The following ABL2 variants were observed in gnomAD, a reference collection of about 807,000 sequenced individuals.
ABL2 encodes ABL proto-oncogene 2, non-receptor tyrosine kinase, also known as tyrosine-protein kinase ABL2.
In ABL2, 49 loss-of-function variants were observed where a neutral mutation model predicts 107.7. The observed-to-expected ratio is 0.45, with a 90% CI of 0.36 to 0.58. The LOEUF is 0.58. Ranked by LOEUF, ABL2 falls within the 20% of genes least tolerant of loss-of-function variation. ABL2 has a pLI of 0.00. For missense variants in ABL2, 1,245 were observed against 1,457.0 expected (o/e 0.85, Z 2.37); for synonymous variants, 549 against 548.6 (o/e 1.00, Z -0.01).
In ABL2 at chr1:179,102,971, G is replaced by T. The variant is rs966161296; in HGVS notation, c.*4747C>A. The T allele has an allele frequency of 1.3e-5, 3 of 225,552 alleles. No individual in the cohort carries two copies. Among genetic ancestry groups the T allele is most frequent in the African/African-American group, 2.2e-5 (1 of 44,944 alleles). The allele number at this position is 225,552 out of a possible 1,614,324, so 14.0% of individuals were successfully genotyped here. ...CTGTAAACCTAACAAAACTATGCAG[G>T]ACATAGGTTAAAAAAGACACTGTCA... On this transcript the variant is annotated 3_prime_UTR_variant, in exon 12 of 12. Coordinates refer to ENST00000502732, the MANE Select transcript of ABL2 (RefSeq NM_007314.4).
At chr1:179,176,044 C>T (rs1168803235) in intron 1 of ABL2, among the ~76,000 whole-genome samples, 2 of 151,792 alleles carry the variant, frequency 1.3e-5, no homozygotes, top group Admixed American at 1.3e-4. Context: ...TTAGTAGACA[C>T]GGGTTTTCAC....
At chr1:179,110,733 T>C in intron 10 of ABL2, 1 of 1,612,510 alleles carries the variant, frequency 6.2e-7, no homozygotes, top group Non-Finnish European at 8.5e-7. Flanking sequence ...TCTTGATGGA[T>C]GTTTAGGTTG....
intron 1 of ABL2, among the ~76,000 whole-genome samples, chr1:179,134,648 A>C (rs2102677414): frequency 6.6e-6 from 1 of 152,320 alleles, no homozygotes; most frequent in African/African-American, 2.4e-5. Flanking sequence ...TACCTAAATA[A>C]TGCCCTATGA....
rs1657306929 is a variant in ABL2 at position 179,138,951 on chromosome 1, G to A, written c.158-5577C>T. On this transcript the variant is annotated intron_variant, in intron 1 of 11. Coordinates refer to ENST00000502732, the MANE Select transcript of ABL2 (RefSeq NM_007314.4). ...CACTCACACTCGGAGCAGCCAGCCA[G>A]CCCTGTCAGCCCCGGGCAATGAGGG... 2.6e-5 allele frequency among the ~76,000 whole-genome samples: 4 copies of A among 152,232 alleles called. No individual in the cohort carries two copies. The South Asian group carries it at 8.3e-4, about 31-fold the overall frequency.
chr1:179,140,408 C>T (rs958600082), intron 1 of ABL2, among the ~76,000 whole-genome samples: 2 of 152,332 alleles, frequency 1.3e-5, no homozygotes, highest in African/African-American at 4.8e-5. Flanking sequence ...TCACATCCCC[C>T]ACTGACTCCT....
intron 1 of ABL2, among the ~76,000 whole-genome samples, chr1:179,174,151 G>C (rs1467589257): frequency 6.6e-6 from 1 of 152,118 alleles, no homozygotes; most frequent in Non-Finnish European, 1.5e-5. Context: ...AGCTGGGCGT[G>C]GTGGTGTGTG....
intron 10 of ABL2, among the ~76,000 whole-genome samples, chr1:179,111,670 A>G (rs950420236): frequency 6.6e-6 from 1 of 152,162 alleles, no homozygotes; most frequent in African/African-American, 2.4e-5. Context: ...TATGATGAGT[A>G]ATGTTAAACA....
rs147435995 is a variant in ABL2 at position 179,109,003 on chromosome 1, C to T, written c.2264G>A (p.Arg755His). 9 of 1,613,910 alleles carry T rather than the reference C, an allele frequency of 5.6e-6. No individual in the cohort carries two copies. The highest frequency in any genetic ancestry group is 1.6e-4 in the Middle Eastern group (1 of 6,070). Residue 755 changes from arginine to histidine, a missense_variant, in exon 12 of 12, where the codon CGC becomes CAC. This residue lies in a region of ABL2 where 761 missense variants were observed against 766.4 expected (regional missense o/e 0.99). Coordinates refer to ENST00000502732, the MANE Select transcript of ABL2 (RefSeq NM_007314.4). ...TAAGCCCAGTGTCTTTTTGATTAAG[C>T]GTGGTGTAAAGAAGCCTGTGATGCC... is the stretch of plus-strand genomic sequence containing the variant. ...WSGITGFFTP[R>H]LIKKTLGLRA...
At chr1:179,199,651 GAAGA>G (rs898258396) in intron 1 of ABL2, among the ~76,000 whole-genome samples, 1 of 151,408 alleles carries the variant, frequency 6.6e-6, no homozygotes, top group African/African-American at 2.4e-5. Context: ...TTTTATAAAT[GAAGA>G]AATAATTAAA....
chr1:179,148,039 C>CTTTTTTTTTTT (rs1393464807), intron 1 of ABL2, among the ~76,000 whole-genome samples: 1 of 131,050 alleles, frequency 7.6e-6, no homozygotes, highest in African/African-American at 2.8e-5. Context: ...CTTTTCTTTT[C>CTTTTTTTTTTT]TTTTTTTTTT....
At chr1:179,170,418 A>T (rs1659649458) in intron 1 of ABL2, among the ~76,000 whole-genome samples, 1 of 151,780 alleles carries the variant, frequency 6.6e-6, no homozygotes, top group African/African-American at 2.4e-5. Context: ...AACATTAAAG[A>T]ATGCTTTTTT....
At chr1:179,157,153 A>G (rs964837889) in intron 1 of ABL2, among the ~76,000 whole-genome samples, 2 of 152,168 alleles carry the variant, frequency 1.3e-5, no homozygotes, top group African/African-American at 4.8e-5. Flanking sequence ...GTGGACTGAC[A>G]TGACACTCAA....
chr1:179,208,992 T>TA (rs1662128406), intron 1 of ABL2, among the ~76,000 whole-genome samples: 1 of 152,126 alleles, frequency 6.6e-6, no homozygotes, highest in Admixed American at 6.6e-5. Context: ...AACTAGAAAC[T>TA]AAATCTAGAA....
chr1:179,109,467 C>T, intron 11 of ABL2, 26 bp from the exon 12 acceptor site: 1 of 1,579,746 alleles, frequency 6.3e-7, no homozygotes, highest in Non-Finnish European at 8.6e-7. Context: ...CGATCAGTAA[C>T]TTAAAAGACA....
chr1:179,135,023 C>T (rs1056183120), intron 1 of ABL2, among the ~76,000 whole-genome samples: 1 of 152,256 alleles, frequency 6.6e-6, no homozygotes, highest in African/African-American at 2.4e-5. Context: ...GAGTCTCGTT[C>T]ACTCAGTGCT....
chr1:179,100,948 A>T lies in ABL2; in HGVS notation c.*6770T>A, dbSNP rs1409429442. On this transcript the variant is annotated 3_prime_UTR_variant, in exon 12 of 12. Coordinates refer to ENST00000502732, the MANE Select transcript of ABL2 (RefSeq NM_007314.4). ...TTAGAGATGTACATGGGGATGAAGA[A>T]GTAAGTGCACTTGGAGGGAAGGGTC... The T allele has an allele frequency of 1.3e-5, 3 of 232,710 alleles. No individual in the cohort carries two copies. The highest frequency in any genetic ancestry group is 2.5e-5 in the Non-Finnish European group (3 of 117,754). The allele number at this position is 232,710 out of a possible 1,614,324, so 14.4% of individuals were successfully genotyped here. A position where few individuals can be genotyped will look rare whatever the true frequency, so the allele number is the denominator to read the frequency against.
At chr1:179,144,792 G>T (rs1572697564) in intron 1 of ABL2, among the ~76,000 whole-genome samples, 1 of 152,002 alleles carries the variant, frequency 6.6e-6, no homozygotes, top group Non-Finnish European at 1.5e-5. Flanking sequence ...ATGACTAAAG[G>T]TTACCACAAT....
chr1:179,216,157 C>A (rs1662554191), intron 1 of ABL2, among the ~76,000 whole-genome samples: 1 of 152,190 alleles, frequency 6.6e-6, no homozygotes, highest in African/African-American at 2.4e-5. Flanking sequence ...GAGAAGCCGG[C>A]AGTTCTACCA....
chr1:179,161,702 C>A (rs1421318737), intron 1 of ABL2, among the ~76,000 whole-genome samples: 1 of 152,144 alleles, frequency 6.6e-6, no homozygotes, highest in Admixed American at 6.5e-5. Context: ...CACAGCGAGA[C>A]CCTCTCTCAA....
Sources: allele counts gnomAD v4.1 joint callset (sites outside exome capture counted in the v4.1 genomes callset), GRCh38; gene constraint gnomAD v4.1.1; regional missense constraint gnomAD v4.1.1; transcripts MANE v1.5; gene names NCBI Gene and HGNC (gene_info 2026-07-23, HGNC 2026-07-21).